Variants in TBCD observed in about 807,000 individuals in gnomAD.
The protein encoded by TBCD is tubulin folding cofactor D.
TBCD carries 105 observed loss-of-function variants against 169.3 expected under a neutral mutation model. The ratio of observed to expected loss-of-function variants is 0.62; its 90% CI spans 0.53 to 0.73. The LOEUF (loss-of-function observed/expected upper bound fraction) is 0.73, where lower values mean the gene tolerates loss of function less well. Among genes scored for constraint, TBCD ranks in the 30% least tolerant of loss-of-function variants. TBCD has a pLI of 0.00. For missense variants in TBCD, 1,444 were observed against 1,600.1 expected (o/e 0.90, Z 1.66); for synonymous variants, 700 against 643.9 (o/e 1.09, Z -1.32).
In TBCD at chr17:82,920,292, C is replaced by T. The variant is rs758563146; in HGVS notation, c.2039-264C>T. ...GCCGGCCCGGCTTCTCTGAAGTGCA[C>T]GTGGGCTCACACATGGGCCTTCTGC... On this transcript the variant is annotated intron_variant, in intron 23 of 38. Transcript: ENST00000355528. This position sits in a 1 kb window ranked among gnomAD's most constrained non-coding sequence, Gnocchi z 4.1. 7.2e-5 allele frequency among the ~76,000 whole-genome samples: 11 copies of T among 152,258 alleles called. No individual in the cohort carries two copies. In the South Asian group the frequency reaches 1.2e-3, roughly 17 times the overall value.
At chr17:82,937,782 G>C in intron 35 of TBCD, 1 of 1,239,232 alleles carries the variant, frequency 8.1e-7, no homozygotes, top group South Asian at 1.6e-5. Context: ...TGAGGTGGGG[G>C]TCCTCATGGC....
At chr17:82,778,145 A>G (rs910618556) in intron 6 of TBCD, among the ~76,000 whole-genome samples, 11 of 152,338 alleles carry the variant, frequency 7.2e-5, no homozygotes, top group African/African-American at 2.6e-4. Context: ...ATTGCTACCA[A>G]CTAATGATTA....
chr17:82,827,705 A>C (rs1394635155), intron 13 of TBCD, among the ~76,000 whole-genome samples: 1 of 152,126 alleles, frequency 6.6e-6, no homozygotes, highest in Admixed American at 6.5e-5. Context: ...ACACACCCAC[A>C]CAATCGAATG....
At chr17:82,872,096 G>A (rs1405493176) in intron 14 of TBCD, among the ~76,000 whole-genome samples, 2 of 152,322 alleles carry the variant, frequency 1.3e-5, no homozygotes, top group East Asian at 3.9e-4. Context: ...TGTGCAGCAC[G>A]TGGCCAGCGT....
intron 13 of TBCD, among the ~76,000 whole-genome samples, chr17:82,869,652 C>T (rs554836321): frequency 2.8e-4 from 42 of 152,248 alleles, no homozygotes; most frequent in Non-Finnish European, 4.8e-4. Context: ...CATAGGAGCC[C>T]TGCATGGGTT....
intron 13 of TBCD, chr17:82,840,053 A>G (rs943366923): frequency 6.6e-6 from 1 of 152,152 alleles, no homozygotes; most frequent in African/African-American, 2.4e-5. Flanking sequence ...GAGGGATTTA[A>G]GTGTAGGAGT....
At chr17:82,911,275 C>T (rs1163197850) in intron 22 of TBCD, among the ~76,000 whole-genome samples, 3 of 152,102 alleles carry the variant, frequency 2.0e-5, no homozygotes, top group Non-Finnish European at 2.9e-5. Context: ...ATTTTGCCCT[C>T]CCCAGGGCAG....
chr17:82,910,666 A>G (rs2060572388), intron 22 of TBCD, among the ~76,000 whole-genome samples: 2 of 152,006 alleles, frequency 1.3e-5, no homozygotes, highest in African/African-American at 2.4e-5. Context: ...CCCACGTTCA[A>G]GCGACTCTCC....
At chr17:82,891,933 G>A (rs561985363) in intron 16 of TBCD, among the ~76,000 whole-genome samples, 2 of 152,250 alleles carry the variant, frequency 1.3e-5, no homozygotes, top group African/African-American at 2.4e-5. Flanking sequence ...GGGCCTGTCC[G>A]ACATTCCAGC....
At chr17:82,941,750 AG>A (rs1430814935) in intron 38 of TBCD, 2 of 509,410 alleles carry the variant, frequency 3.9e-6, no homozygotes, top group African/African-American at 2.0e-5. Context: ...AGCTTGATCC[AG>A]GCTCCTCATG....
chr17:82,824,707 C>T (rs780802747), intron 13 of TBCD, among the ~76,000 whole-genome samples: 1 of 152,152 alleles, frequency 6.6e-6, no homozygotes, highest in East Asian at 1.9e-4. Flanking sequence ...GTTATTCCCA[C>T]CTTTTGGGTA....
At chr17:82,798,853 C>T (rs1178039427) in intron 8 of TBCD, among the ~76,000 whole-genome samples, 1 of 152,228 alleles carries the variant, frequency 6.6e-6, no homozygotes, top group Non-Finnish European at 1.5e-5. Context: ...AGCCATCCTC[C>T]CACCTCAGCC....
At chr17:82,791,292 C>T (rs561852961) in intron 7 of TBCD, among the ~76,000 whole-genome samples, 32 of 152,158 alleles carry the variant, frequency 2.1e-4, no homozygotes, top group African/African-American at 5.1e-4. Context: ...GGGGTTTCAC[C>T]GTGTTAGCCA....
At chr17:82,766,406 C>A in intron 4 of TBCD, 38 bp downstream of exon 4, 1 of 1,508,868 alleles carries the variant, frequency 6.6e-7, no homozygotes, top group Non-Finnish European at 9.1e-7. Context: ...TCCAGCCCTC[C>A]GTGCCTGTCC....
intron 32 of TBCD, chr17:82,929,957 T>C: frequency 3.2e-6 from 1 of 314,104 alleles, no homozygotes; most frequent in Middle Eastern, 1.1e-3. Context: ...TCTCTGCATC[T>C]TGTCACTCGT....
At chr17:82,888,466 T>C (rs867162340) in intron 15 of TBCD, among the ~76,000 whole-genome samples, 1 of 152,396 alleles carries the variant, frequency 6.6e-6, no homozygotes, top group South Asian at 2.1e-4. Flanking sequence ...TTACAGTATA[T>C]CTTTGTTGCA....
At chr17:82,791,980 G>A (rs1177540526) in intron 7 of TBCD, among the ~76,000 whole-genome samples, 1 of 152,196 alleles carries the variant, frequency 6.6e-6, no homozygotes, top group Non-Finnish European at 1.5e-5. Context: ...TAACACAGTG[G>A]TGTTTGCACA....
chr17:82,895,920 A>G (rs4986131), intron 17 of TBCD: 73,156 of 151,748 alleles, frequency 0.48, 18,591 homozygotes, highest in African/African-American at 0.65. Flanking sequence ...CCGTCGCCCC[A>G]CTCTCCTGTT....
rs2061467018 is a variant in TBCD at position 82,922,302 on chromosome 17, A to T, written c.2178+725A>T. 6.6e-6 allele frequency among the ~76,000 whole-genome samples: 1 copy of T among 152,196 alleles called. No homozygotes were observed. The highest frequency in any genetic ancestry group is 1.5e-5 in the Non-Finnish European group (1 of 68,028). Reference sequence around the variant, plus strand: ...CTTGAACTTGGGAGGCGAAGGTTGCAGTGAACCGAGATCACGCCATTGCAC... The same window carrying T: ...CTTGAACTTGGGAGGCGAAGGTTGCTGTGAACCGAGATCACGCCATTGCAC... On this transcript the variant is annotated intron_variant, in intron 25 of 38. Transcript: ENST00000355528. This position sits in a 1 kb window ranked among gnomAD's most constrained non-coding sequence, Gnocchi z 4.1.
Sources: gnomAD v4.1 joint callset for allele counts (sites outside exome capture counted in the v4.1 genomes callset) on GRCh38, gnomAD v4.1.1 for gene constraint, Gnocchi (gnomAD v3.1) non-coding constraint, MANE v1.5 for transcripts, NCBI Gene and HGNC (gene_info 2026-07-23, HGNC 2026-07-21) for gene names.